Variants in BCAS3 observed in about 807,000 individuals in gnomAD.
BCAS3 encodes the protein BCAS3 microtubule associated cell migration factor.
A neutral mutation model predicts 116.1 loss-of-function variants in BCAS3; 53 were observed. The ratio of observed to expected loss-of-function variants is 0.46; its 90% CI spans 0.37 to 0.57. BCAS3 has a LOEUF of 0.57. BCAS3 is among the 20% of genes least tolerant of loss of function. BCAS3 has a pLI of 0.00. For synonymous variants in BCAS3, 391 were observed against 408.2 expected (o/e 0.96, Z 0.51); for missense variants, 917 against 1,165.4 (o/e 0.79, Z 3.10).
chr17:60,678,708 A>G (rs544638557), intron 1 of BCAS3, among the ~76,000 whole-genome samples: 1 of 152,320 alleles, frequency 6.6e-6, no homozygotes, highest in South Asian at 2.1e-4. Context: ...ATAGATTCCC[A>G]ACAGGTTTAA....
Position 61,362,084 on chromosome 17 carries a change from C to T in BCAS3, c.2426-6243C>T, listed in dbSNP as rs980031730. On this transcript the variant is annotated intron_variant, in intron 22 of 23. Coordinates refer to ENST00000407086, the MANE Select transcript of BCAS3 (RefSeq NM_017679.5). The surrounding 1 kb of genome is among the most constrained non-coding windows in gnomAD (Gnocchi z 4.4). Reference sequence around the variant, plus strand: ...CAGTCAAGTTGATACATGAAATTGACCATTGCACCAAGAAGAGCTAATGTC... The same window carrying T: ...CAGTCAAGTTGATACATGAAATTGATCATTGCACCAAGAAGAGCTAATGTC... 3.9e-5 allele frequency among the ~76,000 whole-genome samples: 6 copies of T among 152,164 alleles called. No individual in the cohort carries two copies. Among genetic ancestry groups the T allele is most frequent in the African/African-American group, 7.2e-5 (3 of 41,432 alleles).
intron 13 of BCAS3, among the ~76,000 whole-genome samples, chr17:60,935,163 A>T (rs1337330163): frequency 2.0e-5 from 3 of 152,216 alleles, no homozygotes; most frequent in Non-Finnish European, 4.4e-5. Flanking sequence ...ACTTATTAAC[A>T]TAGACGAAAT....
intron 5 of BCAS3, among the ~76,000 whole-genome samples, chr17:60,744,087 A>G (rs971542282): frequency 1.3e-5 from 2 of 152,206 alleles, no homozygotes; most frequent in African/African-American, 4.8e-5. Flanking sequence ...GGCAGAGACC[A>G]TGAGGAGCTG....
chr17:60,805,277 C>G (rs1245756466), intron 6 of BCAS3, among the ~76,000 whole-genome samples: 2 of 152,092 alleles, frequency 1.3e-5, no homozygotes, highest in Non-Finnish European at 2.9e-5. Flanking sequence ...TTCCCTCCCT[C>G]TAGATTATTT....
intron 22 of BCAS3, among the ~76,000 whole-genome samples, chr17:61,137,276 G>A (rs1211273207): frequency 6.6e-6 from 1 of 152,200 alleles, no homozygotes; most frequent in East Asian, 1.9e-4. Flanking sequence ...CATATATCAA[G>A]GGATACATGA....
chr17:61,364,302 A>G lies in BCAS3; in HGVS notation c.2426-4025A>G, dbSNP rs1216951569. Among the ~76,000 whole-genome samples, 2 of 152,164 alleles carry G rather than the reference A, an allele frequency of 1.3e-5. No homozygotes were observed. Among genetic ancestry groups the G allele is most frequent in the African/African-American group, 4.8e-5 (2 of 41,440 alleles). On this transcript the variant is annotated intron_variant, in intron 22 of 23. Coordinates refer to ENST00000407086, the MANE Select transcript of BCAS3 (RefSeq NM_017679.5). The surrounding 1 kb of genome is among the most constrained non-coding windows in gnomAD (Gnocchi z 5.4). ...CCCGTAAACATGGTGACTCATCGTCACCACCACCAAACTCCAAGCAACTCG... is the reference window on the plus strand; with the variant it reads ...CCCGTAAACATGGTGACTCATCGTCGCCACCACCAAACTCCAAGCAACTCG...
chr17:61,068,339 G>T lies in BCAS3; in HGVS notation c.2030-6581G>T, dbSNP rs894137718. Among the ~76,000 whole-genome samples the T allele has an allele frequency of 6.6e-6, 1 of 151,968 alleles. No homozygotes were observed. The highest frequency in any genetic ancestry group is 2.4e-5 in the African/African-American group (1 of 41,360). ...CATCTAAATTCTCTAGGGTGTTCAG[G>T]GTATAAAAGTATGAGGTAAGGGATT... is the stretch of plus-strand genomic sequence containing the variant. On this transcript the variant is annotated intron_variant, in intron 19 of 23. Coordinates refer to ENST00000407086, the MANE Select transcript of BCAS3 (RefSeq NM_017679.5). This position sits in a 1 kb window ranked among gnomAD's most constrained non-coding sequence, Gnocchi z 4.3.
intron 6 of BCAS3, among the ~76,000 whole-genome samples, chr17:60,749,281 G>C (rs578231807): frequency 2.0e-5 from 3 of 152,218 alleles, no homozygotes; most frequent in Non-Finnish European, 4.4e-5. Flanking sequence ...TGTTACTTCA[G>C]AATTTCGAAG....
intron 6 of BCAS3, among the ~76,000 whole-genome samples, chr17:60,766,555 T>C (rs951300248): frequency 6.6e-6 from 1 of 152,182 alleles, no homozygotes; most frequent in Non-Finnish European, 1.5e-5. Flanking sequence ...TGCCTGATCC[T>C]TTCTCTGGAA....
At chr17:61,127,611 C>T (rs908399199) in intron 22 of BCAS3, among the ~76,000 whole-genome samples, 5 of 150,082 alleles carry the variant, frequency 3.3e-5, no homozygotes, top group East Asian at 1.9e-4. Flanking sequence ...TTTTTATCAT[C>T]GTAGAAAGTT....
intron 7 of BCAS3, among the ~76,000 whole-genome samples, chr17:60,856,085 T>C (rs2053648295): frequency 6.6e-6 from 1 of 152,230 alleles, no homozygotes; most frequent in South Asian, 2.1e-4. Flanking sequence ...AAGAAGGCCA[T>C]GTCCGAGGTC....
intron 6 of BCAS3, among the ~76,000 whole-genome samples, chr17:60,773,755 C>T (rs568971265): frequency 5.5e-4 from 83 of 152,178 alleles, no homozygotes; most frequent in Admixed American, 5.9e-4. Context: ...TCACGTGATC[C>T]TCCTGCCTCA....
intron 7 of BCAS3, among the ~76,000 whole-genome samples, chr17:60,817,839 T>C (rs1160576512): frequency 6.6e-6 from 1 of 151,288 alleles, no homozygotes; most frequent in African/African-American, 2.5e-5. Context: ...AAATTTACTT[T>C]GAGAAAAGCA....
intron 4 of BCAS3, among the ~76,000 whole-genome samples, chr17:60,706,667 A>G (rs1024760198): frequency 1.3e-5 from 2 of 152,034 alleles, no homozygotes; most frequent in East Asian, 1.9e-4. Context: ...TCTACTAAAT[A>G]TACAAAAATT....
rs1187780316 is a variant in BCAS3, at chr17:61,295,425, G to A, written c.2426-72902G>A. On this transcript the variant is annotated intron_variant, in intron 22 of 23. Coordinates refer to ENST00000407086, the MANE Select transcript of BCAS3 (RefSeq NM_017679.5). ...CTGTCTCTGACACTAAATGCCCAGC[G>A]TAATCCCCAAGGCAAAGGACAGACT... Among the ~76,000 whole-genome samples the A allele has an allele frequency of 5.3e-5, 8 of 152,322 alleles. No individual in the cohort carries two copies. The East Asian group carries it at 7.7e-4, about 15-fold the overall frequency.
chr17:60,752,211 T>C (rs1017437084), intron 6 of BCAS3, among the ~76,000 whole-genome samples: 4 of 151,878 alleles, frequency 2.6e-5, no homozygotes, highest in Admixed American at 2.6e-4. Flanking sequence ...TTCATAACGA[T>C]TTATAGTGAA....
chr17:60,920,870 AAACAACAACAACAAC>A (rs58062382), intron 12 of BCAS3, among the ~76,000 whole-genome samples: 10,056 of 146,584 alleles, frequency 0.069, 456 homozygotes, highest in African/African-American at 0.13. Context: ...ACTCCATCGC[AAACAACAACAACAAC>A]AACAACAACA....
chr17:61,103,947 T>C (rs924708136), intron 22 of BCAS3, among the ~76,000 whole-genome samples: 3 of 152,154 alleles, frequency 2.0e-5, no homozygotes, highest in African/African-American at 7.2e-5. Flanking sequence ...CTGGAAGTGT[T>C]GGGATGTCAC....
chr17:60,968,983 A>G (rs560413680), intron 14 of BCAS3, among the ~76,000 whole-genome samples: 1 of 144,834 alleles, frequency 6.9e-6, no homozygotes, highest in East Asian at 2.2e-4. Flanking sequence ...TTTCCAGTAT[A>G]GTCACCATGA....
Sources: allele counts gnomAD v4.1 joint callset (sites outside exome capture counted in the v4.1 genomes callset), GRCh38; gene constraint gnomAD v4.1.1; non-coding constraint Gnocchi (gnomAD v3.1); transcripts MANE v1.5; gene names NCBI Gene and HGNC (gene_info 2026-07-23, HGNC 2026-07-21).